LGSN: variants seen among roughly 807,000 people sequenced by gnomAD.
LGSN encodes the protein lengsin, lens protein with glutamine synthetase domain.
A neutral mutation model predicts 19.5 loss-of-function variants in LGSN; 21 were observed. The observed-to-expected ratio is 1.07, with a 90% CI of 0.76 to 1.55. The LOEUF is 1.55. Ranked by LOEUF, LGSN falls within the 40% of genes most tolerant of loss-of-function variation. The pLI is 0.00. For missense variants in LGSN, 673 were observed against 608.5 expected (o/e 1.11, Z -1.12); for synonymous variants, 257 against 215.6 (o/e 1.19, Z -1.68).
At chr6:63,318,345 A>G (rs1215778926) in intron 1 of LGSN, among the ~76,000 whole-genome samples, 1 of 152,198 alleles carries the variant, frequency 6.6e-6, no homozygotes, top group Non-Finnish European at 1.5e-5. Flanking sequence ...TTACCAGAGC[A>G]TCTAGCATGA....
the LGSN span, among the ~76,000 whole-genome samples, chr6:63,378,034 G>GAA: frequency 3.0e-4 from 26 of 85,482 alleles, no homozygotes; most frequent in African/African-American, 4.3e-4. Flanking sequence ...CCAGATTTTT[G>GAA]AAAAAAAAAA....
At chr6:63,434,932 G>C in the LGSN span, among the ~76,000 whole-genome samples, 1 of 152,196 alleles carries the variant, frequency 6.6e-6, no homozygotes. Flanking sequence ...GCTTTTCCCT[G>C]TTCTCTCTTC....
the LGSN span, among the ~76,000 whole-genome samples, chr6:63,434,770 C>T: frequency 3.9e-5 from 6 of 152,080 alleles, no homozygotes; most frequent in Non-Finnish European, 8.8e-5. Flanking sequence ...ATTGGCCAAG[C>T]CCAACCTGAA....
At chr6:63,349,666 T>G in the LGSN span, among the ~76,000 whole-genome samples, 3 of 152,174 alleles carry the variant, frequency 2.0e-5, no homozygotes. Context: ...AGAATGCAGA[T>G]GGCCTCTGGA....
At chr6:63,571,011 T>G in the LGSN span, 2 of 152,218 alleles carry the variant, frequency 1.3e-5, no homozygotes, top group African/African-American at 4.8e-5. Context: ...AGTCTTTACT[T>G]TTTTAAATCA....
At chr6:63,507,005 G>A in the LGSN span, among the ~76,000 whole-genome samples, 3 of 152,108 alleles carry the variant, frequency 2.0e-5, no homozygotes, top group Non-Finnish European at 2.9e-5. Flanking sequence ...GAGCCAATAT[G>A]AGGATGCCTT....
chr6:63,512,348 G>A, the LGSN span, among the ~76,000 whole-genome samples: 2 of 152,186 alleles, frequency 1.3e-5, no homozygotes, highest in African/African-American at 4.8e-5. Context: ...CTCCCAAAGT[G>A]CTGGGATTAC....
At chr6:63,552,594 C>T in the LGSN span, among the ~76,000 whole-genome samples, 16 of 152,310 alleles carry the variant, frequency 1.1e-4, no homozygotes, top group African/African-American at 3.8e-4. Flanking sequence ...GTGTTTTAGA[C>T]ATGAAGTCCT....
chr6:63,360,234 C>G, the LGSN span, among the ~76,000 whole-genome samples: 1 of 152,196 alleles, frequency 6.6e-6, no homozygotes, highest in African/African-American at 2.4e-5. Flanking sequence ...GGACAGTTCT[C>G]CTGGATAATA....
the LGSN span, among the ~76,000 whole-genome samples, chr6:63,530,519 A>C: frequency 2.0e-5 from 3 of 152,160 alleles, no homozygotes; most frequent in Admixed American, 2.0e-4. Context: ...TATTTACTGC[A>C]CAACTCCAGT....
At chr6:63,361,230 T>C in the LGSN span, among the ~76,000 whole-genome samples, 1 of 152,196 alleles carries the variant, frequency 6.6e-6, no homozygotes, top group Non-Finnish European at 1.5e-5. Flanking sequence ...CTGCCTTTTG[T>C]TTGGTTATGC....
At chr6:63,461,126 GGT>G in the LGSN span, among the ~76,000 whole-genome samples, 1 of 152,136 alleles carries the variant, frequency 6.6e-6, no homozygotes, top group African/African-American at 2.4e-5. Context: ...GGAGTACAGT[GGT>G]GCAATCTCAG....
At chr6:63,383,151 T>C in the LGSN span, among the ~76,000 whole-genome samples, 1 of 152,094 alleles carries the variant, frequency 6.6e-6, no homozygotes, top group Non-Finnish European at 1.5e-5. Flanking sequence ...TTTATAGAGA[T>C]AGGGTATAGC....
At chr6:63,530,908 G>A in the LGSN span, among the ~76,000 whole-genome samples, 1 of 152,108 alleles carries the variant, frequency 6.6e-6, no homozygotes, top group East Asian at 1.9e-4. Flanking sequence ...GTAATGATTA[G>A]AATGGTTTCC....
chr6:63,530,780 T>A, the LGSN span, among the ~76,000 whole-genome samples: 4 of 152,218 alleles, frequency 2.6e-5, no homozygotes, highest in African/African-American at 9.6e-5. Flanking sequence ...TAGTCTTCTG[T>A]ATTTTAACAT....
chr6:63,356,057 C>T, the LGSN span, among the ~76,000 whole-genome samples: 1 of 150,976 alleles, frequency 6.6e-6, no homozygotes, highest in East Asian at 1.9e-4. Context: ...ATATATATGT[C>T]CAAATTTCCC....
the LGSN span, among the ~76,000 whole-genome samples, chr6:63,486,008 G>A: frequency 2.0e-5 from 3 of 152,150 alleles, no homozygotes; most frequent in Non-Finnish European, 4.4e-5. Context: ...GGGATTACAG[G>A]TGTGAGCCAC....
the LGSN span, among the ~76,000 whole-genome samples, chr6:63,412,562 GAAA>G: frequency 6.4e-5 from 8 of 124,586 alleles, no homozygotes; most frequent in South Asian, 2.5e-4. Context: ...AAGAAAGAAA[GAAA>G]GAAAGGAAGG....
the LGSN span, among the ~76,000 whole-genome samples, chr6:63,493,737 C>A: frequency 4.6e-5 from 7 of 152,258 alleles, no homozygotes; most frequent in South Asian, 1.2e-3. Flanking sequence ...TCTGACACTT[C>A]TAAGCCCCAT....
Sources: allele counts gnomAD v4.1 joint callset (sites outside exome capture counted in the v4.1 genomes callset), GRCh38; gene constraint gnomAD v4.1.1; transcripts MANE v1.5; gene names NCBI Gene and HGNC (gene_info 2026-07-23, HGNC 2026-07-21).